Variants in PRKRIP1 observed in about 807,000 individuals in gnomAD.
The protein encoded by PRKRIP1 is PRKR-interacting protein 1.
A neutral mutation model predicts 29.3 loss-of-function variants in PRKRIP1; 29 were observed. The ratio of observed to expected loss-of-function variants is 0.99; its 90% confidence interval spans 0.74 to 1.35. PRKRIP1 has a LOEUF of 1.35. PRKRIP1 is among the 40% of genes most tolerant of loss of function. The pLI is 0.00. For missense variants in PRKRIP1, 247 were observed against 236.8 expected, an observed-to-expected ratio of 1.04 and a Z score of -0.28; for synonymous variants, 90 against 85.1, an observed-to-expected ratio of 1.06 and a Z score of -0.32.
intron 3 of PRKRIP1, among the ~76,000 whole-genome samples, chr7:102,402,886 T>C (rs1408747894): frequency 5.7e-5 from 8 of 139,888 alleles, no homozygotes; most frequent in Non-Finnish European, 7.6e-5. Context: ...ACGGCTCAGC[T>C]TTTTTTTTTT....
intron 5 of PRKRIP1, among the ~76,000 whole-genome samples, chr7:102,414,182 C>T (rs551749213): frequency 4.6e-5 from 7 of 151,922 alleles, no homozygotes; most frequent in Non-Finnish European, 8.8e-5. Flanking sequence ...AGCGAAGATG[C>T]GCCACTGCAC....
At chr7:102,411,331 G>A (rs1005567911) in intron 5 of PRKRIP1, among the ~76,000 whole-genome samples, 15 of 151,786 alleles carry the variant, frequency 9.9e-5, no homozygotes, top group Admixed American at 3.9e-4. Context: ...GATTTCAGGC[G>A]TGAGCCACCA....
At chr7:102,406,176 G>A (rs1554571800) in intron 4 of PRKRIP1, among the ~76,000 whole-genome samples, 1 of 152,140 alleles carries the variant, frequency 6.6e-6, no homozygotes, top group Non-Finnish European at 1.5e-5. Flanking sequence ...GCATCTCATC[G>A]ATTTGCTGCA....
chr7:102,400,056 A>T (rs913427517), intron 3 of PRKRIP1, among the ~76,000 whole-genome samples: 1 of 151,856 alleles, frequency 6.6e-6, no homozygotes, highest in Non-Finnish European at 1.5e-5. Context: ...GGAAGAATAG[A>T]TACTGCTAGT....
chr7:102,425,402 G>T lies in PRKRIP1; in HGVS notation c.*291G>T. On this transcript the variant is annotated 3_prime_UTR_variant, in exon 6 of 6. Transcript: ENST00000397912. ...TTTGAACAGTGATGAGTTTGGGGCTGGTTTCTGGGAAGGGAACGTTTATTT... is the reference window on the plus strand; with the variant it reads ...TTTGAACAGTGATGAGTTTGGGGCTTGTTTCTGGGAAGGGAACGTTTATTT... 2.2e-6 allele frequency: 1 copy of T among 457,624 alleles called. No homozygotes were observed. Among genetic ancestry groups the T allele is most frequent in the Non-Finnish European group, 3.9e-6 (1 of 257,498 alleles). The allele number at this position is 457,624 out of a possible 1,614,324, so 28.3% of individuals were successfully genotyped here.
intron 5 of PRKRIP1, among the ~76,000 whole-genome samples, chr7:102,410,767 TC>T (rs1442053333): frequency 1.1e-3 from 164 of 152,328 alleles, no homozygotes; most frequent in African/African-American, 3.7e-3. Context: ...CCCTTACTCT[TC>T]CATTCATCCC....
chr7:102,409,868 T>C (rs1796333665), intron 5 of PRKRIP1, among the ~76,000 whole-genome samples: 1 of 152,136 alleles, frequency 6.6e-6, no homozygotes. Context: ...GCTGAGTAAT[T>C]TGACCCTCCC....
intron 3 of PRKRIP1, among the ~76,000 whole-genome samples, chr7:102,400,139 G>A (rs1266917985): frequency 6.6e-6 from 1 of 151,216 alleles, no homozygotes; most frequent in Non-Finnish European, 1.5e-5. Context: ...ACAAAACCCC[G>A]TCTCTACTAA....
intron 5 of PRKRIP1, among the ~76,000 whole-genome samples, chr7:102,410,814 AGTAT>A (rs377578042): frequency 1.2e-4 from 18 of 152,354 alleles, no homozygotes; most frequent in African/African-American, 2.9e-4. Flanking sequence ...CTGCATTTGA[AGTAT>A]GTTTCCTGTA....
At chr7:102,414,605 C>G (rs180733434) in intron 5 of PRKRIP1, among the ~76,000 whole-genome samples, 2 of 152,234 alleles carry the variant, frequency 1.3e-5, no homozygotes, top group East Asian at 3.9e-4. Context: ...ATTTCTAAAC[C>G]AGGCATGGTG....
chr7:102,406,455 T>C (rs918353349), intron 4 of PRKRIP1, among the ~76,000 whole-genome samples: 5 of 152,186 alleles, frequency 3.3e-5, no homozygotes, highest in Admixed American at 1.3e-4. Flanking sequence ...AAATAATGAT[T>C]TTTTTGATTT....
At chr7:102,409,380 G>A (rs1796314096) in intron 5 of PRKRIP1, among the ~76,000 whole-genome samples, 2 of 152,124 alleles carry the variant, frequency 1.3e-5, no homozygotes, top group Admixed American at 1.3e-4. Flanking sequence ...CACCGCAACA[G>A]TAGATCATGG....
chr7:102,416,564 T>G (rs931670952), intron 5 of PRKRIP1, among the ~76,000 whole-genome samples: 1 of 152,150 alleles, frequency 6.6e-6, no homozygotes, highest in African/African-American at 2.4e-5. Context: ...TTGGTCTGAT[T>G]TTCTCATGAT....
Position 102,422,188 on chromosome 7 carries a change from T to TATC in PRKRIP1, c.458-2824_458-2822dup, listed in dbSNP as rs1554573837. On this transcript the variant is annotated intron_variant, in intron 5 of 5. Coordinates refer to ENST00000397912, the MANE Select transcript of PRKRIP1 (RefSeq NM_024653.4). ...TTATTATTATTATTATGATTATTAT[T>TATC]ATCAGAGACGGATTCTAGCTCTGTT... 9.0e-4 allele frequency among the ~76,000 whole-genome samples: 133 copies of TATC among 147,384 alleles called. 1 individual carries two copies. Among genetic ancestry groups the TATC allele is most frequent in the Admixed American group, 1.9e-3 (28 of 14,676 alleles).
rs1796818558 is a variant in PRKRIP1, at chr7:102,425,885, A to ATT, written c.*776_*777dup. 1 of 153,776 alleles carries ATT rather than the reference A, an allele frequency of 6.5e-6. No homozygotes were observed. Among genetic ancestry groups the ATT allele is most frequent in the African/African-American group, 2.4e-5 (1 of 41,476 alleles). 9.5% of individuals were successfully genotyped at this position (153,776 alleles called of 1,614,324 possible). On this transcript the variant is annotated 3_prime_UTR_variant, in exon 6 of 6. Coordinates refer to ENST00000397912, the MANE Select transcript of PRKRIP1 (RefSeq NM_024653.4). ...GGGGGTTCTCTCACCAACAGCTGTG[A>ATT]TTTCATCCCGAAGTGGAAGGGGGTC...
At chr7:102,415,271 C>G (rs1554572955) in intron 5 of PRKRIP1, among the ~76,000 whole-genome samples, 1 of 152,202 alleles carries the variant, frequency 6.6e-6, no homozygotes, top group Non-Finnish European at 1.5e-5. Flanking sequence ...GAGTCTTGCT[C>G]CATCACTCAT....
chr7:102,424,371 TGTG>T (rs1796780876), intron 5 of PRKRIP1, among the ~76,000 whole-genome samples: 1 of 152,244 alleles, frequency 6.6e-6, no homozygotes, highest in Admixed American at 6.5e-5. Flanking sequence ...TCTGCTGCCT[TGTG>T]GTCTCTGCCT....
chr7:102,409,012 A>G (rs1164266606), intron 5 of PRKRIP1, among the ~76,000 whole-genome samples: 1 of 152,058 alleles, frequency 6.6e-6, no homozygotes, highest in East Asian at 1.9e-4. Flanking sequence ...CATCTCTACT[A>G]AAAATACAAA....
intron 5 of PRKRIP1, among the ~76,000 whole-genome samples, chr7:102,413,998 C>G (rs982403423): frequency 6.6e-6 from 1 of 152,072 alleles, no homozygotes; most frequent in Non-Finnish European, 1.5e-5. Context: ...GAGGGCGAGG[C>G]GGACAGATCA....
Sources: allele counts gnomAD v4.1 joint callset (sites outside exome capture counted in the v4.1 genomes callset), GRCh38; gene constraint gnomAD v4.1.1; transcripts MANE v1.5; gene names NCBI Gene and HGNC (gene_info 2026-07-23, HGNC 2026-07-21).